PAFAH1B1: variants seen among roughly 807,000 people sequenced by gnomAD.
PAFAH1B1 encodes platelet activating factor acetylhydrolase 1b regulatory subunit 1, also known as platelet-activating factor acetylhydrolase IB subunit beta.
PAFAH1B1 carries 2 observed loss-of-function variants against 57.5 expected under a neutral mutation model. The observed-to-expected ratio is 0.03, with a 90% CI of 0.01 to 0.11. PAFAH1B1 has a LOEUF of 0.11. Among genes scored for constraint, PAFAH1B1 ranks in the 10% least tolerant of loss-of-function variants. The pLI is 1.00. For missense variants in PAFAH1B1, 257 were observed against 512.0 expected (o/e 0.50, Z 4.81); for synonymous variants, 152 against 169.6 (o/e 0.90, Z 0.81).
chr17:2,643,901 C>G (rs1373080572), intron 2 of PAFAH1B1, among the ~76,000 whole-genome samples: 1 of 152,074 alleles, frequency 6.6e-6, no homozygotes, highest in African/African-American at 2.4e-5. Context: ...CAGATTCAAC[C>G]CCTTTCGCCC....
In PAFAH1B1 at chr17:2,664,665, G is replaced by GCGCTCTCTCTCTCTCTCTCTCTCTCTCT; in HGVS notation, c.33-706_33-705insGCTCTCTCTCTCTCTCTCTCTCTCTCTC. On this transcript the variant is annotated intron_variant, in intron 2 of 10. Coordinates refer to ENST00000397195, the MANE Select transcript of PAFAH1B1 (RefSeq NM_000430.4). ...TGATATATATCTATATCTATCTATC[G>GCGCTCTCTCTCTCTCTCTCTCTCTCTCT]CTCTCTCTCTCTCTCTCTCTCTCTC... 2.1e-4 allele frequency among the ~76,000 whole-genome samples: 18 copies of GCGCTCTCTCTCTCTCTCTCTCTCTCTCT among 86,028 alleles called. 1 individual carries two copies. The highest frequency in any genetic ancestry group is 3.4e-4 in the Non-Finnish European group (13 of 37,968). 56.4% of individuals were successfully genotyped at this position (86,028 alleles called of 152,430 possible).
intron 2 of PAFAH1B1, chr17:2,639,316 G>C (rs1005986920): frequency 5.3e-5 from 8 of 152,094 alleles, no homozygotes; most frequent in Non-Finnish European, 1.2e-4. Flanking sequence ...TTTTGTTCTT[G>C]TTATCACTGA....
intron 2 of PAFAH1B1, among the ~76,000 whole-genome samples, chr17:2,665,057 A>AT (rs2069087291): frequency 6.6e-6 from 1 of 152,172 alleles, no homozygotes; most frequent in South Asian, 2.1e-4. Context: ...CCATAGCTTG[A>AT]TCTATAGAGT....
intron 1 of PAFAH1B1, chr17:2,613,323 C>T: frequency 4.2e-6 from 1 of 237,042 alleles, no homozygotes; most frequent in South Asian, 9.7e-5. Context: ...GGAAGCAGAG[C>T]CAAGGTCCCA....
chr17:2,672,337 A>C (rs1185748268), intron 6 of PAFAH1B1, among the ~76,000 whole-genome samples: 2 of 151,904 alleles, frequency 1.3e-5, no homozygotes, highest in Non-Finnish European at 2.9e-5. Context: ...TCATATGTAA[A>C]CATTCAGACT....
At chr17:2,641,268 C>T (rs960903153) in intron 2 of PAFAH1B1, 1 of 152,452 alleles carries the variant, frequency 6.6e-6, no homozygotes, top group African/African-American at 2.4e-5. Flanking sequence ...AAGCGATTCT[C>T]CTGCCTCAGC....
intron 1 of PAFAH1B1, among the ~76,000 whole-genome samples, chr17:2,614,999 C>T (rs1203465595): frequency 1.3e-5 from 2 of 151,964 alleles, no homozygotes; most frequent in Admixed American, 6.6e-5. Context: ...TGCAGTTGGC[C>T]GTCCATATCC....
chr17:2,614,355 G>A (rs1046257941), intron 1 of PAFAH1B1, among the ~76,000 whole-genome samples: 1 of 152,054 alleles, frequency 6.6e-6, no homozygotes, highest in Admixed American at 6.6e-5. Flanking sequence ...CTTTCTTACT[G>A]CAGTGGCAGA....
At chr17:2,642,015 G>C (rs1567542186) in intron 2 of PAFAH1B1, 1 of 152,130 alleles carries the variant, frequency 6.6e-6, no homozygotes, top group Non-Finnish European at 1.5e-5. Context: ...ATTATCTCCA[G>C]ACATTGCCAG....
At chr17:2,665,281 C>T in intron 2 of PAFAH1B1, 91 bp from the exon 3 acceptor site, 5 of 775,618 alleles carry the variant, frequency 6.4e-6, no homozygotes, top group Non-Finnish European at 9.0e-6. Flanking sequence ...AAAAGAGTAT[C>T]TTCAGGGTTA....
chr17:2,678,179 A>G (rs1174790086), intron 9 of PAFAH1B1, among the ~76,000 whole-genome samples: 1 of 152,070 alleles, frequency 6.6e-6, no homozygotes, highest in East Asian at 1.9e-4. Context: ...AGATGGGTGG[A>G]TCACCTGAGG....
chr17:2,618,678 G>A (rs570371382), intron 1 of PAFAH1B1, among the ~76,000 whole-genome samples: 7 of 151,370 alleles, frequency 4.6e-5, no homozygotes, highest in Admixed American at 2.0e-4. Context: ...ACAGAGTTTC[G>A]CTCTTGTTGC....
intron 1 of PAFAH1B1, among the ~76,000 whole-genome samples, chr17:2,607,752 C>CAGGGATTACAGGTGTG (rs1314170261): frequency 6.6e-6 from 1 of 152,162 alleles, no homozygotes; most frequent in African/African-American, 2.4e-5. Context: ...TCCCAAAGTT[C>CAGGGATTACAGGTGTG]TGGGATTACA....
At chr17:2,658,513 T>G (rs924657032) in intron 2 of PAFAH1B1, among the ~76,000 whole-genome samples, 1 of 152,162 alleles carries the variant, frequency 6.6e-6, no homozygotes, top group Non-Finnish European at 1.5e-5. Context: ...GGTAGATCAT[T>G]TTTGGCTTTT....
chr17:2,621,118 T>C (rs2068416103), intron 1 of PAFAH1B1, among the ~76,000 whole-genome samples: 1 of 152,178 alleles, frequency 6.6e-6, no homozygotes, highest in South Asian at 2.1e-4. Flanking sequence ...AATGCTGTTA[T>C]TTTGAAACTA....
chr17:2,680,578 G>A (rs571269491), intron 10 of PAFAH1B1, among the ~76,000 whole-genome samples: 13 of 152,304 alleles, frequency 8.5e-5, no homozygotes, highest in African/African-American at 3.1e-4. Context: ...CACAATTTGT[G>A]AAGAGGTTAC....
At chr17:2,630,691 C>T (rs1165122786) in intron 1 of PAFAH1B1, among the ~76,000 whole-genome samples, 1 of 152,124 alleles carries the variant, frequency 6.6e-6, no homozygotes, top group African/African-American at 2.4e-5. Context: ...CAGTTATTCT[C>T]CCAAATATGT....
intron 1 of PAFAH1B1, among the ~76,000 whole-genome samples, chr17:2,607,310 A>T (rs1455995731): frequency 6.6e-6 from 1 of 151,668 alleles, no homozygotes; most frequent in Non-Finnish European, 1.5e-5. Context: ...AGTAGCTGGG[A>T]CTACAGGCGT....
At chr17:2,641,668 A>G (rs576826938) in intron 2 of PAFAH1B1, 1 of 152,222 alleles carries the variant, frequency 6.6e-6, no homozygotes, top group East Asian at 1.9e-4. Flanking sequence ...CTGTGTACCT[A>G]TCCTGCCTTA....
Sources: allele counts gnomAD v4.1 joint callset (sites outside exome capture counted in the v4.1 genomes callset), GRCh38; gene constraint gnomAD v4.1.1; transcripts MANE v1.5; gene names NCBI Gene and HGNC (gene_info 2026-07-23, HGNC 2026-07-21).